The following BCKDHB variants were observed in gnomAD, a reference collection of about 807,000 sequenced individuals.
BCKDHB encodes the protein 2-oxoisovalerate dehydrogenase subunit beta, mitochondrial.
Under a neutral mutation model 48.5 loss-of-function variants are expected in BCKDHB, and 41 were observed. The ratio of observed to expected loss-of-function variants is 0.85; its 90% CI spans 0.66 to 1.10. The LOEUF is 1.10. Among genes scored for constraint, BCKDHB ranks in the 50% least tolerant of loss-of-function variants. The probability of loss-of-function intolerance (pLI) is 0.00; values close to 1 mark genes in which losing one functional copy is unlikely to be tolerated. For synonymous variants in BCKDHB, 201 were observed against 174.8 expected (o/e 1.15, Z -1.18); for missense variants, 496 against 494.2 (o/e 1.00, Z -0.03).
intron 5 of BCKDHB, among the ~76,000 whole-genome samples, chr6:80,169,537 T>C (rs1772786052): frequency 1.3e-5 from 2 of 152,166 alleles, no homozygotes; most frequent in Non-Finnish European, 2.9e-5. Context: ...TAATACTTGC[T>C]CAACCAATTA....
chr6:80,252,756 C>T (rs1466706396), intron 8 of BCKDHB, among the ~76,000 whole-genome samples: 2 of 152,064 alleles, frequency 1.3e-5, no homozygotes, highest in African/African-American at 4.8e-5. Context: ...CTGATACTAT[C>T]TTACTACAAG....
intron 3 of BCKDHB, among the ~76,000 whole-genome samples, chr6:80,137,353 A>C (rs1250365795): frequency 6.6e-6 from 1 of 152,160 alleles, no homozygotes; most frequent in African/African-American, 2.4e-5. Flanking sequence ...AGACTAGATA[A>C]GAATTTCTCA....
intron 9 of BCKDHB, among the ~76,000 whole-genome samples, chr6:80,327,782 C>T (rs1234827502): frequency 6.6e-6 from 1 of 151,880 alleles, no homozygotes; most frequent in African/African-American, 2.4e-5. Flanking sequence ...TGAAGTTAGC[C>T]CCCTTCAGCA....
intron 8 of BCKDHB, among the ~76,000 whole-genome samples, chr6:80,252,881 G>T (rs73482056): frequency 0.012 from 1,765 of 152,176 alleles, 36 homozygotes; most frequent in African/African-American, 0.039. Flanking sequence ...GTAAAGTTCT[G>T]TATAGTCTAG....
intron 9 of BCKDHB, among the ~76,000 whole-genome samples, chr6:80,318,988 A>G (rs1768580218): frequency 6.6e-6 from 1 of 152,186 alleles, no homozygotes; most frequent in East Asian, 1.9e-4. Context: ...ATATTTATAT[A>G]TGTGTGTTAG....
In BCKDHB at chr6:80,183,960, AAGTAACAC is replaced by A. The variant is rs528368697; in HGVS notation, c.742+12574_742+12581del. Among the ~76,000 whole-genome samples the A allele has an allele frequency of 2.0e-3, 311 of 152,258 alleles. 1 individual carries two copies. The highest frequency in any genetic ancestry group is 6.8e-3 in the African/African-American group (282 of 41,554). On this transcript the variant is annotated intron_variant, in intron 6 of 9. Transcript: ENST00000320393. Reference sequence around the variant, plus strand: ...TGCTGAATAATACTCCATTGTTTGGAAGTAACACAGTTTATTTATTCATTCACCTGCAG... The same window carrying A: ...TGCTGAATAATACTCCATTGTTTGGAAGTTTATTTATTCATTCACCTGCAG...
In BCKDHB at chr6:80,203,122, A is replaced by C. The variant is rs1358699136; in HGVS notation, c.861A>C (p.Val287=). Residue 287 remains valine (V), a synonymous_variant, in exon 8 of 10, where the codon GTA becomes GTC. Coordinates refer to ENST00000320393, the MANE Select transcript of BCKDHB (RefSeq NM_183050.4). The part of the protein sequence containing the change: ...WGTQVHVIRE[V]ASMAKEKLGV... ...TTCAGGTTCATGTGATCCGAGAGGT[A>C]GCTTCCATGGCAAAAGAAAAGCTTG... 1 of 1,612,436 alleles carries C rather than the reference A, an allele frequency of 6.2e-7. No individual in the cohort carries two copies. Among genetic ancestry groups the C allele is most frequent in the South Asian group, 1.1e-5 (1 of 91,058 alleles).
chr6:80,116,666 A>G (rs1282821336), intron 1 of BCKDHB, among the ~76,000 whole-genome samples: 1 of 152,244 alleles, frequency 6.6e-6, no homozygotes, highest in Admixed American at 6.5e-5. Context: ...AACAATAGGC[A>G]ACCATTAACT....
intron 1 of BCKDHB, among the ~76,000 whole-genome samples, chr6:80,124,878 A>T (rs897759377): frequency 1.3e-5 from 2 of 152,152 alleles, no homozygotes; most frequent in Non-Finnish European, 2.9e-5. Context: ...GGCAGAGTGG[A>T]TTTAGCATAA....
At chr6:80,263,498 G>C (rs1447346997) in intron 8 of BCKDHB, among the ~76,000 whole-genome samples, 1 of 151,936 alleles carries the variant, frequency 6.6e-6, no homozygotes, top group African/African-American at 2.4e-5. Context: ...TTTTACTCCA[G>C]CACTTTTTTG....
the BCKDHB span, among the ~76,000 whole-genome samples, chr6:80,396,377 A>T: frequency 9.5e-3 from 1,444 of 152,320 alleles, 12 homozygotes; most frequent in Non-Finnish European, 0.016. Context: ...CTTGCTTTTG[A>T]TTTTACAGGC....
chr6:80,148,590 C>G (rs1356460848), intron 3 of BCKDHB, among the ~76,000 whole-genome samples: 1 of 152,090 alleles, frequency 6.6e-6, no homozygotes. Flanking sequence ...TTCTCACTCT[C>G]CTTCCTAGTC....
chr6:80,115,811 T>C (rs566688847), intron 1 of BCKDHB, among the ~76,000 whole-genome samples: 1 of 152,166 alleles, frequency 6.6e-6, no homozygotes, highest in East Asian at 1.9e-4. Context: ...TAATTTTTTG[T>C]ATTTTTAGTA....
At chr6:80,156,697 C>T (rs1008808071) in intron 3 of BCKDHB, among the ~76,000 whole-genome samples, 3 of 152,006 alleles carry the variant, frequency 2.0e-5, no homozygotes, top group African/African-American at 7.2e-5. Flanking sequence ...TTAAGGAAGC[C>T]ATGAGGTTAT....
intron 4 of BCKDHB, among the ~76,000 whole-genome samples, chr6:80,168,102 A>G (rs115398750): frequency 8.5e-4 from 129 of 152,160 alleles, no homozygotes; most frequent in African/African-American, 3.0e-3. Flanking sequence ...CAACATAATG[A>G]TAATGAGAAC....
At chr6:80,356,960 C>CA in the BCKDHB span, 4 of 132,926 alleles carry the variant, frequency 3.0e-5, no homozygotes, top group South Asian at 5.4e-4. Flanking sequence ...CCGCCCCCCC[C>CA]CCACACACAC....
chr6:80,426,374 G>A, the BCKDHB span, among the ~76,000 whole-genome samples: 4 of 151,740 alleles, frequency 2.6e-5, no homozygotes, highest in African/African-American at 9.7e-5. Context: ...TTTTATTTGG[G>A]TTTAACTTGC....
At chr6:80,373,942 C>T in the BCKDHB span, 1 of 483,692 alleles carries the variant, frequency 2.1e-6, no homozygotes, top group South Asian at 1.8e-5. Flanking sequence ...TATTTGTTTG[C>T]TGAATTCTCA....
rs3828753 is a variant in BCKDHB at position 80,203,029 on chromosome 6, C to T, written c.841-73C>T. On this transcript the variant is annotated intron_variant, in intron 7 of 9. Transcript: ENST00000320393. The stretch of plus-strand genomic sequence containing the variant: ...CTTTAAATACTGTCTCTAATAGTGA[C>T]ATCAGCATTCAACTAGTTTTTGAGG... The T allele has an allele frequency of 0.6, 566,735 of 940,484 alleles. 173,387 individuals carry two copies. Among genetic ancestry groups the T allele is most frequent in the South Asian group, 0.75 (58,113 of 77,244 alleles). The allele number at this position is 940,484 out of a possible 1,614,324, so 58.3% of individuals were successfully genotyped here.
Sources: allele counts gnomAD v4.1 joint callset (sites outside exome capture counted in the v4.1 genomes callset), GRCh38; gene constraint gnomAD v4.1.1; transcripts MANE v1.5; gene names NCBI Gene and HGNC (gene_info 2026-07-23, HGNC 2026-07-21).